The following PATJ variants were observed in gnomAD, a reference collection of about 807,000 sequenced individuals.
PATJ encodes the protein PATJ crumbs cell polarity complex component, also known as inaD-like protein.
Under a neutral mutation model 224.9 loss-of-function variants are expected in PATJ, and 190 were observed. The observed-to-expected ratio is 0.84, with a 90% CI of 0.75 to 0.95. The LOEUF (loss-of-function observed/expected upper bound fraction) is 0.95. Ranked by LOEUF, PATJ falls within the 40% of genes least tolerant of loss-of-function variation. The pLI is 0.00. For missense variants in PATJ, 2,121 were observed against 2,270.3 expected (o/e 0.93, Z 1.34); for synonymous variants, 769 against 820.3 (o/e 0.94, Z 1.07).
At chr1:62,006,176 G>A (rs1006842880) in intron 28 of PATJ, among the ~76,000 whole-genome samples, 14 of 152,026 alleles carry the variant, frequency 9.2e-5, no homozygotes, top group African/African-American at 2.4e-4. Flanking sequence ...GTGCAATGGC[G>A]CAATCTCGGC....
At chr1:61,746,640 A>G (rs1271555687) in intron 1 of PATJ, among the ~76,000 whole-genome samples, 1 of 151,900 alleles carries the variant, frequency 6.6e-6, no homozygotes, top group African/African-American at 2.4e-5. Context: ...CATCAGAAAA[A>G]TAGTTGTGTT....
rs7516332 is a variant in PATJ, at chr1:61,795,496, A to G, written c.1198A>G (p.Ile400Val). 0.48 allele frequency: 760,125 copies of G among 1,600,258 alleles called. 186,071 individuals carry two copies. Among genetic ancestry groups the G allele is most frequent in the South Asian group, 0.63 (56,297 of 89,962 alleles). ...AGCTTCAGGGATTTATGTGAAAAGT[A>G]TAATACCTGGCAGTGCTGCGTACCA... The part of the protein sequence containing the change: ...GEASGIYVKS[I>V]IPGSAAYHNG... Residue 400 changes from isoleucine to valine, a missense_variant, in exon 10 of 44, where the codon ATA becomes GTA. Coordinates refer to ENST00000642238, the MANE Select transcript of PATJ (RefSeq NM_001350145.3).
Position 62,161,299 on chromosome 1 carries a change from C to T in PATJ, c.*245C>T. 2.8e-6 allele frequency: 1 copy of T among 355,354 alleles called. No individual in the cohort carries two copies. Among genetic ancestry groups the T allele is most frequent in the Middle Eastern group, 7.4e-4 (1 of 1,346 alleles). The allele number at this position is 355,354 out of a possible 1,614,324, so 22.0% of individuals were successfully genotyped here. A position where few individuals can be genotyped will look rare whatever the true frequency, so the allele number is the denominator to read the frequency against. On this transcript the variant is annotated 3_prime_UTR_variant, in exon 44 of 44. Transcript: ENST00000642238. ...ATTTCTAAAACTTAAATGAGTCTAC[C>T]TGTTTTGCATTTAATTTCAGTGTTC...
chr1:61,782,942 A>G (rs1365329209), intron 7 of PATJ, among the ~76,000 whole-genome samples: 1 of 152,224 alleles, frequency 6.6e-6, no homozygotes, highest in East Asian at 1.9e-4. Flanking sequence ...TTCAGAACAC[A>G]GCCTATTTAA....
At chr1:61,989,454 A>G (rs1209912094) in intron 27 of PATJ, among the ~76,000 whole-genome samples, 2 of 152,246 alleles carry the variant, frequency 1.3e-5, no homozygotes, top group African/African-American at 2.4e-5. Flanking sequence ...TTTTGCTCCC[A>G]TAACCCAGTG....
intron 19 of PATJ, among the ~76,000 whole-genome samples, chr1:61,862,394 G>T (rs149018876): frequency 6.6e-6 from 1 of 150,462 alleles, no homozygotes; most frequent in Non-Finnish European, 1.5e-5. Flanking sequence ...ACAGGGTTTC[G>T]CCACGTTGGC....
At chr1:61,858,218 G>A (rs1663998558) in intron 18 of PATJ, among the ~76,000 whole-genome samples, 1 of 152,118 alleles carries the variant, frequency 6.6e-6, no homozygotes, top group South Asian at 2.1e-4. Flanking sequence ...GGCAAAAGCA[G>A]GAGTGAGAGA....
At chr1:61,979,756 G>C (rs944404165) in intron 27 of PATJ, among the ~76,000 whole-genome samples, 1 of 152,062 alleles carries the variant, frequency 6.6e-6, no homozygotes, top group African/African-American at 2.4e-5. Flanking sequence ...ACAAACCTGT[G>C]TGGTTTTTAT....
Position 62,079,587 on chromosome 1 carries a change from C to T in PATJ, c.4243+20C>T. 6.8e-7 allele frequency: 1 copy of T among 1,475,572 alleles called. No individual in the cohort carries two copies. The highest frequency in any genetic ancestry group is 9.5e-7 in the Non-Finnish European group (1 of 1,056,220). The allele number at this position is 1,475,572 out of a possible 1,614,324, so 91.4% of individuals were successfully genotyped here. ...GCTATGGTATGATTCTTTCTCTCAG[C>T]AGATCTGGCTCATTAAGCCTTAGAG... On this transcript the variant is annotated intron_variant, in intron 32 of 43. Transcript: ENST00000642238.
At chr1:61,862,075 C>T (rs187002040) in intron 19 of PATJ, among the ~76,000 whole-genome samples, 2 of 152,256 alleles carry the variant, frequency 1.3e-5, no homozygotes, top group African/African-American at 4.8e-5. Context: ...GTTGCCCAGG[C>T]TGGTCTTGAA....
chr1:61,929,619 T>G (rs1283318875), intron 27 of PATJ, among the ~76,000 whole-genome samples: 1 of 152,230 alleles, frequency 6.6e-6, no homozygotes, highest in Admixed American at 6.5e-5. Context: ...GTGTCCAAAG[T>G]TAGACAGCTA....
chr1:61,827,171 G>T (rs921591164), intron 15 of PATJ, among the ~76,000 whole-genome samples: 15 of 152,040 alleles, frequency 9.9e-5, no homozygotes, highest in African/African-American at 3.4e-4. Context: ...GGCGTATGCT[G>T]CATGCATTTT....
intron 27 of PATJ, among the ~76,000 whole-genome samples, chr1:61,971,448 T>C (rs760801771): frequency 3.3e-5 from 5 of 150,136 alleles, no homozygotes; most frequent in Non-Finnish European, 7.4e-5. Context: ...TCAGGGTCTC[T>C]ACAAAAAATT....
At position 62,103,975 on chromosome 1, in the gene PATJ, A is replaced by G. The variant is rs539420333; in HGVS notation, c.4378-4462A>G. Among the ~76,000 whole-genome samples, 97 of 152,280 alleles carry G rather than the reference A, an allele frequency of 6.4e-4. 1 individual carries two copies. Among genetic ancestry groups the G allele is most frequent in the Middle Eastern group, 3.4e-3 (1 of 294 alleles). On this transcript the variant is annotated intron_variant, in intron 33 of 43. Coordinates refer to ENST00000642238, the MANE Select transcript of PATJ (RefSeq NM_001350145.3). ...GCCTAGCTCATAATCCTTTGCCTCT[A>G]TAGCCTGTCTTCAGAGTGAGCCAGC...
At chr1:61,871,862 CTT>C (rs371028820) in intron 20 of PATJ, among the ~76,000 whole-genome samples, 12 of 130,796 alleles carry the variant, frequency 9.2e-5, no homozygotes, top group Non-Finnish European at 9.8e-5. Context: ...CCACGTCTGG[CTT>C]TTTTTTTTTT....
chr1:61,768,479 A>G (rs751006291), intron 4 of PATJ, among the ~76,000 whole-genome samples: 2 of 151,874 alleles, frequency 1.3e-5, no homozygotes, highest in Non-Finnish European at 2.9e-5. Context: ...CAAAAAATAA[A>G]TAAATAAATA....
At position 61,968,444 on chromosome 1, in the gene PATJ, T is replaced by G. The variant is rs1682478607; in HGVS notation, c.3671-21724T>G. Among the ~76,000 whole-genome samples the G allele has an allele frequency of 2.6e-5, 4 of 152,326 alleles. No individual in the cohort carries two copies. In the South Asian group the frequency reaches 8.3e-4, roughly 32 times the overall value. On this transcript the variant is annotated intron_variant, in intron 27 of 43. Transcript: ENST00000642238. ...TATTACGGTAAAAAATATATAAAAT[T>G]TATCATCTTAACCATTTTAAGTGTA...
At chr1:61,776,060 G>T (rs114477392) in intron 7 of PATJ, among the ~76,000 whole-genome samples, 2 of 152,108 alleles carry the variant, frequency 1.3e-5, no homozygotes, top group African/African-American at 4.8e-5. Context: ...ATAGACATAC[G>T]TAAGTAAAAA....
At chr1:61,906,225 A>G (rs1165544402) in intron 24 of PATJ, among the ~76,000 whole-genome samples, 1 of 152,198 alleles carries the variant, frequency 6.6e-6, no homozygotes, top group Non-Finnish European at 1.5e-5. Flanking sequence ...CACTCTGGGT[A>G]TACCACCTGC....
Sources: gnomAD v4.1 joint callset for allele counts (sites outside exome capture counted in the v4.1 genomes callset) on GRCh38, gnomAD v4.1.1 for gene constraint, MANE v1.5 for transcripts, NCBI Gene and HGNC (gene_info 2026-07-23, HGNC 2026-07-21) for gene names.